The following POLR1C variants were observed in gnomAD, a reference collection of about 807,000 sequenced individuals.
POLR1C encodes DNA-directed RNA polymerases I and III subunit RPAC1.
In POLR1C, 42 loss-of-function variants were observed where a neutral mutation model predicts 38.3. That is an observed-to-expected ratio of 1.10 (90% CI 0.86 to 1.42). POLR1C has a LOEUF of 1.42. Ranked by LOEUF, POLR1C falls within the 40% of genes most tolerant of loss-of-function variation. The probability of loss-of-function intolerance (pLI) is 0.00; values close to 1 mark genes in which losing one functional copy is unlikely to be tolerated. For synonymous variants in POLR1C, 163 were observed against 163.9 expected, an observed-to-expected ratio of 0.99 and a Z score of 0.04; for missense variants, 507 against 450.5, an observed-to-expected ratio of 1.13 and a Z score of -1.14.
At position 43,521,232 on chromosome 6, in the gene POLR1C, G is replaced by A. The variant is rs1465459551; in HGVS notation, c.973G>A (p.Ala325Thr). ...GCCACCAGATGTGCTGGTGAGTGAA[G>A]CCATCAAAGTACTGATGGGGAAGTG... ...VLPPDVLVSE[A>T]IKVLMGKCRR... is the part of the protein sequence containing the mutation. Residue 325 changes from alanine to threonine, a missense_variant, in exon 9 of 9, where the codon GCC (alanine) becomes ACC (threonine). Coordinates refer to ENST00000642195, the MANE Select transcript of POLR1C (RefSeq NM_203290.4). 1 of 1,613,844 alleles carries A rather than the reference G, an allele frequency of 6.2e-7. No individual in the cohort carries two copies. Among genetic ancestry groups the A allele is most frequent in the Non-Finnish European group, 8.5e-7 (1 of 1,180,010 alleles).
downstream of POLR1C, among the ~76,000 whole-genome samples, chr6:43,524,293 G>T (rs1442890877): frequency 1.3e-5 from 2 of 151,388 alleles, no homozygotes; most frequent in Non-Finnish European, 2.9e-5. Context: ...CGGAGGTTGT[G>T]GTGAGCTGAG....
chr6:43,522,716 T>C (rs368128493), downstream of POLR1C: 7 of 502,248 alleles, frequency 1.4e-5, no homozygotes, highest in African/African-American at 1.2e-4. Context: ...GAAACCCTCT[T>C]GTCAGTGGAC....
At chr6:43,523,967 A>C, downstream of POLR1C, 1 of 1,613,878 alleles carries the variant, frequency 6.2e-7, no homozygotes, top group Non-Finnish European at 8.5e-7. Context: ...GAAGATTCTT[A>C]ATGTGAACTT....
At position 43,519,853 on chromosome 6, in the gene POLR1C, T is replaced by C; in HGVS notation, c.382+15T>C. ...TCGGAACCAAGGTGAGAAAATGAAA[T>C]TTTGGGAGAAGTGGACTATCTGGGT... is the stretch of plus-strand genomic sequence containing the variant. On this transcript the variant is annotated intron_variant, in intron 4 of 8. Transcript: ENST00000642195. 1.2e-6 allele frequency: 2 copies of C among 1,612,306 alleles called. No individual in the cohort carries two copies. Among genetic ancestry groups the C allele is most frequent in the Non-Finnish European group, 1.7e-6 (2 of 1,179,036 alleles).
chr6:43,526,842 G>C lies in POLR1C; in HGVS notation c.923-2407G>C, dbSNP rs193060856. ...ACTGATCCCAACCTGTCTCTGGCCA[G>C]GTGAGGAAGGAGGAAGATGGGGGTA... On this transcript the variant is annotated intron_variant, in intron 8 of 8. Coordinates refer to the POLR1C transcript ENST00000304004. The C allele has an allele frequency of 1.9e-4, 247 of 1,315,728 alleles. 1 individual carries two copies. The East Asian group carries it at 5.2e-3, about 28-fold the overall frequency. 81.5% of individuals were successfully genotyped at this position (1,315,728 alleles called of 1,614,324 possible).
chr6:43,529,289 T>C lies in POLR1C; in HGVS notation c.963T>C (p.Asn321=). Residue 321 remains asparagine, a synonymous_variant, in exon 9 of 9, where the codon AAT becomes AAC. Transcript: ENST00000304004. ...TGGCTGCGGTGGCTCACACCTGTAA[T>C]CCCAGCACTTTGGGAGGCCAAGGCG... is the stretch of plus-strand genomic sequence containing the variant. 2.4e-6 allele frequency: 3 copies of C among 1,266,648 alleles called. No homozygotes were observed. The South Asian group carries it at 3.5e-5, about 15-fold the overall frequency. The allele number at this position is 1,266,648 out of a possible 1,614,324, so 78.5% of individuals were successfully genotyped here. A position where few individuals can be genotyped will look rare whatever the true frequency, so the allele number is the denominator to read the frequency against.
At chr6:43,530,527 C>T, downstream of POLR1C, 4 of 852,616 alleles carry the variant, frequency 4.7e-6, no homozygotes, top group South Asian at 6.8e-5. Context: ...TCATGTTTTC[C>T]CTGCAATCTG....
At chr6:43,533,926 C>T (rs61748655), downstream of POLR1C, 14,018 of 1,603,838 alleles carry the variant, frequency 8.7e-3, 85 homozygotes, top group Non-Finnish European at 0.01. Context: ...CAGATTTTTC[C>T]GCGTCAAGCA....
At chr6:43,527,732 C>T in intron 8 of POLR1C, 2 of 1,613,988 alleles carry the variant, frequency 1.2e-6, no homozygotes, top group Non-Finnish European at 1.7e-6. Context: ...ATCTTCTCCA[C>T]TGCAGAAAAC....
chr6:43,531,466 A>T (rs1257371952), downstream of POLR1C: 1 of 1,607,826 alleles, frequency 6.2e-7, no homozygotes, highest in Non-Finnish European at 8.5e-7. Flanking sequence ...GAGAGGCAGC[A>T]TTGGTTCCTT....
chr6:43,550,597 C>T (rs562874863), intron 9 of POLR1C, among the ~76,000 whole-genome samples: 62 of 152,288 alleles, frequency 4.1e-4, no homozygotes, highest in African/African-American at 1.4e-3. Flanking sequence ...CACTTTTAGT[C>T]GTGGGACTAC....
chr6:43,527,905 TC>T (rs1347525823), intron 8 of POLR1C, among the ~76,000 whole-genome samples: 7 of 152,210 alleles, frequency 4.6e-5, no homozygotes, highest in African/African-American at 1.7e-4. Context: ...TACTAGTGAC[TC>T]TGTCCAGTTG....
At chr6:43,520,527 G>A in intron 6 of POLR1C, 98 bp from the exon 7 acceptor site, 2 of 1,603,916 alleles carry the variant, frequency 1.2e-6, no homozygotes, top group Non-Finnish European at 1.7e-6. Context: ...CAGGTAGAAA[G>A]CCAAGAGGGT....
In POLR1C at chr6:43,521,050, T is replaced by C. The variant is rs778556895; in HGVS notation, c.922+2T>C. The C allele has an allele frequency of 3.7e-6, 6 of 1,611,218 alleles. No individual in the cohort carries two copies. The highest frequency in any genetic ancestry group is 5.1e-6 in the Non-Finnish European group (6 of 1,177,530). On this transcript the variant is annotated splice_donor_variant, in intron 8 of 8. Transcript: ENST00000642195. LOFTEE classifies it high-confidence loss of function. ...CCCGGGTTCGAGATCATTATATCTGTGAGTATGAAGTGGTGAGATGAGTGG... is the reference window on the plus strand; with the variant it reads ...CCCGGGTTCGAGATCATTATATCTGCGAGTATGAAGTGGTGAGATGAGTGG...
intron 10 of POLR1C, chr6:43,558,646 T>G (rs1172626151): frequency 1.1e-5 from 15 of 1,369,656 alleles, no homozygotes; most frequent in African/African-American, 1.5e-5. Flanking sequence ...ACTGAAAGAG[T>G]TTTTAAGCTT....
chr6:43,522,659 C>G (rs1436328264), downstream of POLR1C: 1 of 465,396 alleles, frequency 2.1e-6, no homozygotes, highest in African/African-American at 2.0e-5. Context: ...CTGCCTGTGG[C>G]CCGCACCAGC....
chr6:43,542,737 A>G lies in POLR1C; in HGVS notation c.*5-8231A>G, dbSNP rs118115684. Among the ~76,000 whole-genome samples the G allele has an allele frequency of 4.7e-4, 72 of 152,298 alleles. 1 individual carries two copies. The East Asian group carries it at 0.012, about 26-fold the overall frequency. On this transcript the variant is annotated intron_variant, in intron 9 of 10. Coordinates refer to the POLR1C transcript ENST00000607635. Reference sequence around the variant, plus strand: ...CACTGTGCCCAGCCAAAAAATAGTAATTTAAAACTCCCAACTCCAGCATAT... The same window carrying G: ...CACTGTGCCCAGCCAAAAAATAGTAGTTTAAAACTCCCAACTCCAGCATAT...
rs530969798 is a variant in POLR1C, at chr6:43,520,808, C to T, written c.805+34C>T. Reference sequence around the variant, plus strand: ...TTTGGGATGCTGTTCAAGTTAGGACCTAAATTATATTTTCTTTCAAGGTGA... The same window carrying T: ...TTTGGGATGCTGTTCAAGTTAGGACTTAAATTATATTTTCTTTCAAGGTGA... On this transcript the variant is annotated intron_variant, in intron 7 of 8. Coordinates refer to ENST00000642195, the MANE Select transcript of POLR1C (RefSeq NM_203290.4). The T allele has an allele frequency of 2.7e-5, 43 of 1,612,234 alleles. No homozygotes were observed. In the Admixed American group the frequency reaches 4.0e-4, roughly 15 times the overall value.
chr6:43,557,325 C>G (rs1582233751), intron 10 of POLR1C, among the ~76,000 whole-genome samples: 1 of 143,390 alleles, frequency 7.0e-6, no homozygotes, highest in African/African-American at 2.6e-5. Flanking sequence ...ATTCAGGAGG[C>G]TGAGGCAGGA....
Sources: gnomAD v4.1 joint callset for allele counts (sites outside exome capture counted in the v4.1 genomes callset) on GRCh38, gnomAD v4.1.1 for gene constraint, MANE v1.5 for transcripts, NCBI Gene and HGNC (gene_info 2026-07-23, HGNC 2026-07-21) for gene names.